The following SMG6 variants were observed in gnomAD, a reference collection of about 807,000 sequenced individuals.
SMG6 encodes the protein SMG6 nonsense mediated mRNA decay factor.
A neutral mutation model predicts 142.2 loss-of-function variants in SMG6; 66 were observed. The ratio of observed to expected loss-of-function variants is 0.46; its 90% CI spans 0.38 to 0.57. The LOEUF is 0.57. Among genes scored for constraint, SMG6 ranks in the 20% least tolerant of loss-of-function variants. The pLI is 0.00. For missense variants in SMG6, 1,793 were observed against 1,832.0 expected (o/e 0.98, Z 0.39); for synonymous variants, 779 against 702.4 (o/e 1.11, Z -1.72).
At chr17:2,065,719 T>A in intron 16 of SMG6, 40 bp from the exon 17 acceptor site, 1 of 1,535,998 alleles carries the variant, frequency 6.5e-7, no homozygotes, top group Non-Finnish European at 8.9e-7. Context: ...GCCTCAGCAA[T>A]CAGCTTTCAT....
chr17:2,210,048 G>C (rs1243723427), intron 10 of SMG6, among the ~76,000 whole-genome samples: 2 of 152,134 alleles, frequency 1.3e-5, no homozygotes, highest in South Asian at 4.1e-4. Flanking sequence ...TTGGTGGGGA[G>C]AGAGAGGGGG....
intron 8 of SMG6, among the ~76,000 whole-genome samples, chr17:2,267,115 A>G (rs1387214515): frequency 6.6e-6 from 1 of 152,232 alleles, no homozygotes; most frequent in Non-Finnish European, 1.5e-5. Flanking sequence ...TACATATTGC[A>G]AACTACTTTA....
chr17:2,207,461 C>CA (rs1238313758), intron 10 of SMG6, among the ~76,000 whole-genome samples: 1 of 151,976 alleles, frequency 6.6e-6, no homozygotes, highest in East Asian at 1.9e-4. Context: ...AACCCAAATG[C>CA]AAAAATGCTT....
chr17:2,299,908 C>T lies in SMG6; in HGVS notation c.845G>A (p.Arg282Gln), dbSNP rs777483170. ...TGGCCTCTCCTTGGTCCTATCCTGT[C>T]GGCGGCGGCGACATCCATTATCCGT... ...GLTDNGCRRR[R>Q]QDRTKERPRL... Residue 282 changes from arginine (R) to glutamine (Q), a missense_variant, in exon 2 of 19, where the codon CGA becomes CAA. Physicochemically the swap from Arg to Gln is conservative, Grantham distance 43. This residue lies in a region of SMG6 where 1,597 missense variants were observed against 1,584.6 expected (regional missense o/e 1.01). Coordinates refer to ENST00000263073, the MANE Select transcript of SMG6 (RefSeq NM_017575.5). The surrounding 1 kb of genome is among the most constrained non-coding windows in gnomAD (Gnocchi z 4.3). 25 of 1,611,510 alleles carry T rather than the reference C, an allele frequency of 1.6e-5. No individual in the cohort carries two copies. The highest frequency in any genetic ancestry group is 4.4e-5 in the South Asian group (4 of 91,018).
chr17:2,184,959 T>TA (rs1567666470), intron 12 of SMG6, among the ~76,000 whole-genome samples: 1 of 5,116 alleles, frequency 2.0e-4, no homozygotes, highest in African/African-American at 5.1e-4. Context: ...GGACTCCATC[T>TA]CAAAAAAAAA....
At chr17:2,247,663 A>T (rs2151306852) in intron 8 of SMG6, among the ~76,000 whole-genome samples, 1 of 151,978 alleles carries the variant, frequency 6.6e-6, no homozygotes. Context: ...GGTGCCTGTA[A>T]TCCCAGCTAC....
chr17:2,256,295 GGTT>G (rs1194478211), intron 8 of SMG6: 2 of 152,286 alleles, frequency 1.3e-5, no homozygotes, highest in Non-Finnish European at 2.9e-5. Flanking sequence ...CCAGGTAAAA[GGTT>G]GTTGTTGCAA....
chr17:2,084,719 G>A (rs1475137318), intron 14 of SMG6, among the ~76,000 whole-genome samples: 3 of 152,304 alleles, frequency 2.0e-5, no homozygotes, highest in South Asian at 2.1e-4. Flanking sequence ...GGCTAGAATC[G>A]CTTCCGTCCC....
intron 10 of SMG6, among the ~76,000 whole-genome samples, chr17:2,195,715 G>C (rs2072303532): frequency 6.6e-6 from 1 of 152,098 alleles, no homozygotes; most frequent in Non-Finnish European, 1.5e-5. Context: ...TTATCTCAAA[G>C]CTTTACAAAA....
At chr17:2,161,184 T>G (rs2071166908) in intron 13 of SMG6, among the ~76,000 whole-genome samples, 1 of 151,002 alleles carries the variant, frequency 6.6e-6, no homozygotes, top group Non-Finnish European at 1.5e-5. Context: ...CTTGGCTCAC[T>G]GCAACCTCTG....
chr17:2,120,936 G>A (rs559105391), intron 13 of SMG6, among the ~76,000 whole-genome samples: 48 of 152,184 alleles, frequency 3.2e-4, no homozygotes, highest in Non-Finnish European at 6.3e-4. Flanking sequence ...TGGGCCACGC[G>A]TAAAATATAA....
chr17:2,127,302 T>C lies in SMG6; in HGVS notation c.3358-41401A>G, dbSNP rs577061507. 4 of 416,936 alleles carry C rather than the reference T, an allele frequency of 9.6e-6. No homozygotes were observed. In the East Asian group the frequency reaches 2.3e-4, roughly 24 times the overall value. The allele number at this position is 416,936 out of a possible 1,614,324, so 25.8% of individuals were successfully genotyped here. The stretch of plus-strand genomic sequence containing the variant: ...CGGCGTTTGGAATGATGAAGAGTTC[T>C]GGAAATGGATAGTAGTGATGGTCGC... On this transcript the variant is annotated intron_variant, in intron 13 of 18. Transcript: ENST00000263073.
chr17:2,114,980 A>AAAATAAAAAAATGAAATGAAATG (rs2069461609), intron 13 of SMG6, among the ~76,000 whole-genome samples: 8 of 133,370 alleles, frequency 6.0e-5, no homozygotes, highest in Admixed American at 3.2e-4. Context: ...GAAATAAAAT[A>AAAATAAAAAAATGAAATGAAATG]AAATAAAATA....
At chr17:2,121,281 T>C (rs1171574223) in intron 13 of SMG6, among the ~76,000 whole-genome samples, 2 of 152,128 alleles carry the variant, frequency 1.3e-5, no homozygotes, top group East Asian at 1.9e-4. Flanking sequence ...CTGTGACATA[T>C]TCATAAAATG....
rs1036377171 is a variant in SMG6 at position 2,280,660 on chromosome 17, G to A, written c.2661+1987C>T. ...AAAATTAAGGGTAATAGTTACCCAA[G>A]GATGATGTACAAACTAAAAATATAT... On this transcript the variant is annotated intron_variant, in intron 8 of 18. Coordinates refer to ENST00000263073, the MANE Select transcript of SMG6 (RefSeq NM_017575.5). 51 of 841,774 alleles carry A rather than the reference G, an allele frequency of 6.1e-5. No individual in the cohort carries two copies. In the African/African-American group the frequency reaches 9.2e-4, roughly 15 times the overall value. 52.1% of individuals were successfully genotyped at this position (841,774 alleles called of 1,614,324 possible).
chr17:2,185,827 T>C (rs972009514), intron 12 of SMG6, among the ~76,000 whole-genome samples: 1 of 151,900 alleles, frequency 6.6e-6, no homozygotes, highest in Non-Finnish European at 1.5e-5. Flanking sequence ...AGACAGGGCA[T>C]GAGTGAATGG....
At chr17:2,190,548 G>C (rs983513618) in intron 10 of SMG6, among the ~76,000 whole-genome samples, 1 of 152,216 alleles carries the variant, frequency 6.6e-6, no homozygotes, top group African/African-American at 2.4e-5. Context: ...AGTTCAAGGT[G>C]GGGGCTAGGG....
chr17:2,144,623 C>T (rs542962148), intron 13 of SMG6, among the ~76,000 whole-genome samples: 23 of 152,140 alleles, frequency 1.5e-4, no homozygotes, highest in Non-Finnish European at 3.1e-4. Context: ...TTCTTTGTGG[C>T]CTGAGTAGAA....
chr17:2,185,619 A>G (rs1209845453), intron 12 of SMG6, among the ~76,000 whole-genome samples: 2 of 152,156 alleles, frequency 1.3e-5, no homozygotes, highest in African/African-American at 4.8e-5. Context: ...TCTGCTATAC[A>G]CAAATGCTCT....
Sources: allele counts gnomAD v4.1 joint callset (sites outside exome capture counted in the v4.1 genomes callset), GRCh38; gene constraint gnomAD v4.1.1; regional missense constraint gnomAD v4.1.1; non-coding constraint Gnocchi (gnomAD v3.1); transcripts MANE v1.5; gene names NCBI Gene and HGNC (gene_info 2026-07-23, HGNC 2026-07-21).